ADCY7: variants seen among roughly 807,000 people sequenced by gnomAD.
The protein encoded by ADCY7 is adenylate cyclase 7.
In ADCY7, 72 loss-of-function variants were observed where a neutral mutation model predicts 120.6. The observed-to-expected ratio is 0.60, with a 90% CI of 0.49 to 0.73. ADCY7 has a LOEUF of 0.73. Among genes scored for constraint, ADCY7 ranks in the 30% least tolerant of loss-of-function variants. The pLI is 0.00. For synonymous variants in ADCY7, 661 were observed against 628.0 expected, an observed-to-expected ratio of 1.05 and a Z score of -0.78; for missense variants, 1,227 against 1,486.0, an observed-to-expected ratio of 0.83 and a Z score of 2.87.
At chr16:50,282,993 T>A (rs1028204504) in intron 1 of ADCY7, among the ~76,000 whole-genome samples, 3 of 152,194 alleles carry the variant, frequency 2.0e-5, no homozygotes, top group Non-Finnish European at 4.4e-5. Context: ...GAAAGTGTGA[T>A]GGAGGGATGA....
At position 50,313,004 on chromosome 16, in the gene ADCY7, C is replaced by T. The variant is rs2036570525; in HGVS notation, c.2719C>T (p.Leu907=). ...CAAAGAAGGGCTGGAGTGCCTACGC[C>T]TGCTCAATGAGATCATTGCCGACTT... ...VNKEGLECLR[L]LNEIIADFDE... is the part of the protein sequence containing the mutation. The change falls in exon 22 of 26, where the codon CTG becomes TTG. Residue 907 remains leucine, a synonymous_variant. Transcript: ENST00000673801. 1.2e-6 allele frequency: 2 copies of T among 1,614,266 alleles called. No individual in the cohort carries two copies. The highest frequency in any genetic ancestry group is 2.2e-5 in the South Asian group (2 of 91,092).
intron 1 of ADCY7, among the ~76,000 whole-genome samples, chr16:50,257,243 A>G (rs980705665): frequency 3.9e-5 from 6 of 152,070 alleles, no homozygotes; most frequent in Non-Finnish European, 8.8e-5. Context: ...ACCACCACCA[A>G]CAAAAAAATC....
In ADCY7 at chr16:50,297,676, C is replaced by A. The variant is rs959280749; in HGVS notation, c.949-1228C>A. 4.9e-4 allele frequency among the ~76,000 whole-genome samples: 74 copies of A among 152,288 alleles called. No individual in the cohort carries two copies. Among genetic ancestry groups the A allele is most frequent in the Admixed American group, 4.6e-3 (70 of 15,302 alleles). On this transcript the variant is annotated intron_variant, in intron 7 of 25. Transcript: ENST00000673801. The surrounding 1 kb of genome is among the most constrained non-coding windows in gnomAD (Gnocchi z 4.4). ...GGCAGGGCTGGTGCTGTGTCTGGGG[C>A]CTGGGTCTGTGATGGCTGATGGGCA...
chr16:50,256,021 A>AATTATT (rs34181816), intron 1 of ADCY7, among the ~76,000 whole-genome samples: 1 of 151,592 alleles, frequency 6.6e-6, no homozygotes, highest in South Asian at 2.1e-4. Context: ...TGGTCTGGGC[A>AATTATT]ATTATTATTA....
intron 15 of ADCY7, among the ~76,000 whole-genome samples, chr16:50,307,945 G>A (rs920983425): frequency 4.3e-5 from 6 of 138,940 alleles, no homozygotes; most frequent in East Asian, 2.2e-4. Flanking sequence ...GCAGTGAGCC[G>A]AGATCATGCC....
At position 50,288,332 on chromosome 16, in the gene ADCY7, C is replaced by A. The variant is rs1217048508; in HGVS notation, c.153C>A (p.Ile51=). Residue 51 remains isoleucine, a synonymous_variant, in exon 2 of 26, where the codon ATC becomes ATA. Transcript: ENST00000673801. ...VAATACVALI[I]IAFSQGDPSR... ...CCACTGCCTGCGTGGCCCTCATCAT[C>A]ATTGCCTTCAGCCAGGGGGTGAGTG... 1 of 1,548,846 alleles carries A rather than the reference C, an allele frequency of 6.5e-7. No homozygotes were observed. Among genetic ancestry groups the A allele is most frequent in the South Asian group, 1.2e-5 (1 of 83,910 alleles).
Position 50,312,124 on chromosome 16 carries a change from G to T in ADCY7, c.2537G>T (p.Arg846Leu). The T allele has an allele frequency of 1.2e-6, 2 of 1,614,182 alleles. No individual in the cohort carries two copies. The highest frequency in any genetic ancestry group is 1.7e-5 in the Admixed American group (1 of 60,026). The change falls in exon 21 of 26, where the codon CGC becomes CTC. Residue 846 changes from arginine to leucine, a missense_variant. Around this residue, in one of 5 missense-constraint regions of ADCY7, gnomAD observed 244 missense variants for 332.8 expected, o/e 0.73. Coordinates refer to ENST00000673801, the MANE Select transcript of ADCY7 (RefSeq NM_001114.5). ...EEFETMENVN[R>L]LLLENVLPAH... ...TTTGAGACCATGGAGAACGTGAACCGCCTTCTTCTGGAGAACGTCCTGCCA... is the reference window on the plus strand; with the variant it reads ...TTTGAGACCATGGAGAACGTGAACCTCCTTCTTCTGGAGAACGTCCTGCCA...
chr16:50,310,168 C>T (rs143266392), intron 18 of ADCY7, among the ~76,000 whole-genome samples: 33 of 152,242 alleles, frequency 2.2e-4, no homozygotes, highest in African/African-American at 7.2e-4. Flanking sequence ...GGGAAAAAGC[C>T]GAGGCGTGTG....
intron 8 of ADCY7, 116 bp from the exon 9 acceptor site, chr16:50,300,599 T>G: frequency 8.0e-7 from 1 of 1,251,932 alleles, no homozygotes; most frequent in South Asian, 1.5e-5. Flanking sequence ...TTCTCTCCCG[T>G]GGGCTGAGCG....
At chr16:50,315,173 G>C in intron 25 of ADCY7, 35 bp downstream of exon 25, 2 of 1,611,568 alleles carry the variant, frequency 1.2e-6, no homozygotes, top group Non-Finnish European at 1.7e-6. Flanking sequence ...TGACTAAGGG[G>C]AAAAGATCTT....
At chr16:50,290,758 G>T in intron 3 of ADCY7, 98 bp downstream of exon 3, 1 of 1,343,754 alleles carries the variant, frequency 7.4e-7, no homozygotes, top group South Asian at 1.4e-5. Flanking sequence ...CCCACGCTTG[G>T]CTGTGTGTCT....
At chr16:50,291,957 G>T in intron 4 of ADCY7, 60 bp downstream of exon 4, 3 of 1,527,110 alleles carry the variant, frequency 2.0e-6, no homozygotes, top group Admixed American at 2.0e-5. Flanking sequence ...AGGGCAGATG[G>T]GGGGGCCCCC....
chr16:50,260,679 G>A (rs971006219), intron 1 of ADCY7, among the ~76,000 whole-genome samples: 1 of 152,240 alleles, frequency 6.6e-6, no homozygotes, highest in African/African-American at 2.4e-5. Context: ...CTGAAGGCTT[G>A]ACTGGGGCTG....
At chr16:50,253,109 TTC>T (rs1445225595) in intron 1 of ADCY7, among the ~76,000 whole-genome samples, 1 of 152,222 alleles carries the variant, frequency 6.6e-6, no homozygotes, top group East Asian at 1.9e-4. Flanking sequence ...CTGCACGATT[TTC>T]TCTGTCCCCT....
At chr16:50,296,345 GC>G (rs1212884283) in intron 7 of ADCY7, among the ~76,000 whole-genome samples, 1 of 148,676 alleles carries the variant, frequency 6.7e-6, no homozygotes, top group African/African-American at 2.5e-5. Flanking sequence ...GCACCATCAT[GC>G]CCTGCCCCAT....
intron 19 of ADCY7, among the ~76,000 whole-genome samples, chr16:50,311,082 T>C (rs2036428429): frequency 6.6e-6 from 1 of 152,140 alleles, no homozygotes; most frequent in Non-Finnish European, 1.5e-5. Context: ...GGCCACCGGG[T>C]CATCCTGTTT....
chr16:50,307,173 G>A (rs768056510), intron 15 of ADCY7, 26 bp downstream of exon 15: 21 of 1,599,512 alleles, frequency 1.3e-5, no homozygotes, highest in Non-Finnish European at 1.7e-5. Context: ...GGGTGTGGGG[G>A]TCCGGCCTGC....
Position 50,309,632 on chromosome 16 carries a change from T to G in ADCY7, c.2146T>G (p.Cys716Gly). The change falls in exon 18 of 26, where the codon TGT becomes GGT. Residue 716 changes from cysteine to glycine, a missense_variant. Physicochemically the swap from Cys to Gly is radical, Grantham distance 159. Around this residue, in one of 5 missense-constraint regions of ADCY7, gnomAD observed 267 missense variants for 270.0 expected, o/e 0.99. Coordinates refer to ENST00000673801, the MANE Select transcript of ADCY7 (RefSeq NM_001114.5). ...LAASSKTRAL[C>G]EPLPYYTCSC... ...CGCGAGCAGCAAGACAAGAGCCCTG[T>G]GTGAGCCCCTCCCGGTGAGTGCGCC... 6.2e-7 allele frequency: 1 copy of G among 1,610,702 alleles called. No homozygotes were observed. Among genetic ancestry groups the G allele is most frequent in the Non-Finnish European group, 8.5e-7 (1 of 1,179,988 alleles).
chr16:50,304,591 C>T, intron 11 of ADCY7, 40 bp downstream of exon 11: 4 of 1,509,768 alleles, frequency 2.6e-6, no homozygotes, highest in Non-Finnish European at 1.8e-6. Context: ...GGATTGGGGC[C>T]CCAAGCCAGG....
Sources: gnomAD v4.1 joint callset for allele counts (sites outside exome capture counted in the v4.1 genomes callset) on GRCh38, gnomAD v4.1.1 for gene constraint, gnomAD v4.1.1 regional missense constraint, Gnocchi (gnomAD v3.1) non-coding constraint, MANE v1.5 for transcripts, NCBI Gene and HGNC (gene_info 2026-07-23, HGNC 2026-07-21) for gene names.